The following BMI1 variants were observed in gnomAD, a reference collection of about 807,000 sequenced individuals.
The protein encoded by BMI1 is polycomb complex protein BMI-1.
Under a neutral mutation model 39.1 loss-of-function variants are expected in BMI1, and 9 were observed. The ratio of observed to expected loss-of-function variants is 0.23; its 90% CI spans 0.14 to 0.40. The LOEUF is 0.40. Among genes scored for constraint, BMI1 ranks in the 10% least tolerant of loss-of-function variants. The pLI is 1.00. For missense variants in BMI1, 252 were observed against 390.8 expected, an observed-to-expected ratio of 0.64 and a Z score of 2.99; for synonymous variants, 131 against 127.9, an observed-to-expected ratio of 1.02 and a Z score of -0.16.
In BMI1 at chr10:22,326,948, T is replaced by C. The variant is rs1836168527; in HGVS notation, c.171T>C (p.Asp57=). ...LETSKYCPIC[D]VQVHKTRPLL... is the part of the protein sequence containing the mutation. ...CCAGCAAGTATTGTCCTATTTGTGA[T>C]GTCCAAGTTCACAAGACCAGACCAC... Residue 57 remains aspartate (D), a synonymous_variant, in exon 3 of 10, where the codon GAT becomes GAC. Transcript: ENST00000376663. The C allele has an allele frequency of 6.2e-7, 1 of 1,614,088 alleles. No individual in the cohort carries two copies. The highest frequency in any genetic ancestry group is 8.5e-7 in the Non-Finnish European group (1 of 1,179,966).
chr10:22,322,922 C>T (rs1216510326), intron 1 of BMI1, among the ~76,000 whole-genome samples: 2 of 152,206 alleles, frequency 1.3e-5, no homozygotes, highest in East Asian at 3.8e-4. Context: ...TTGATCATTA[C>T]CACTTGCAAT....
At chr10:22,326,836 T>G in intron 2 of BMI1, 54 bp from the exon 3 acceptor site, 1 of 1,594,842 alleles carries the variant, frequency 6.3e-7, no homozygotes, top group Non-Finnish European at 8.6e-7. Context: ...CTAACACCAA[T>G]GATTTATCCA....
Position 22,328,694 on chromosome 10 carries a change from T to C in BMI1, c.566T>C (p.Phe189Ser), listed in dbSNP as rs746758445. The part of the protein sequence containing the change: ...LRSKMDIPNT[F>S]QIDVMYEEEP... Reference sequence around the variant, plus strand: ...AGTAAAATGGACATACCTAATACTTTCCAGGTATCTACTTTTATATTCTTC... The same window carrying C: ...AGTAAAATGGACATACCTAATACTTCCCAGGTATCTACTTTTATATTCTTC... The change falls in exon 8 of 10, where the codon TTC becomes TCC. Residue 189 changes from phenylalanine to serine, a missense_variant. Phe to Ser is a radical substitution (Grantham distance 155). Transcript: ENST00000376663. The C allele has an allele frequency of 3.2e-6, 5 of 1,572,952 alleles. No homozygotes were observed. Among genetic ancestry groups the C allele is most frequent in the South Asian group, 1.2e-5 (1 of 82,160 alleles).
At chr10:22,324,797 AGGG>A (rs1440592810) in intron 1 of BMI1, among the ~76,000 whole-genome samples, 1 of 152,224 alleles carries the variant, frequency 6.6e-6, no homozygotes, top group South Asian at 2.1e-4. Context: ...TGAATGAAGA[AGGG>A]GGGTTGAAGT....
chr10:22,324,440 TTATGTTAA>T (rs1283877875), intron 1 of BMI1, among the ~76,000 whole-genome samples: 5 of 152,238 alleles, frequency 3.3e-5, no homozygotes, highest in Non-Finnish European at 7.3e-5. Context: ...CCGCTTAGAT[TTATGTTAA>T]TATGTTGACA....
intron 7 of BMI1, 56 bp from the exon 8 acceptor site, chr10:22,328,544 A>C: frequency 6.5e-7 from 1 of 1,542,050 alleles, no homozygotes; most frequent in South Asian, 1.2e-5. Flanking sequence ...TCAAATTGAA[A>C]CTTTCTTCAT....
chr10:22,327,466 C>G (rs1240526656), intron 3 of BMI1, 129 bp from the exon 4 acceptor site: 1 of 926,422 alleles, frequency 1.1e-6, no homozygotes, highest in East Asian at 2.7e-5. Context: ...TTTATCTTAT[C>G]AATAATAGTT....
chr10:22,327,082 C>G, intron 3 of BMI1, 96 bp downstream of exon 3: 1 of 1,345,214 alleles, frequency 7.4e-7, no homozygotes, highest in Non-Finnish European at 1.0e-6. Context: ...AAAATTTACT[C>G]TTGAATACAT....
At chr10:22,326,744 A>G (rs1311690429) in intron 2 of BMI1, 146 bp from the exon 3 acceptor site, 1 of 1,298,310 alleles carries the variant, frequency 7.7e-7, no homozygotes, top group Non-Finnish European at 1.1e-6. Context: ...CAAGCATGCA[A>G]TATATGTGTT....
chr10:22,329,820 T>C lies in BMI1; in HGVS notation c.*278T>C. 1 of 394,370 alleles carries C rather than the reference T, an allele frequency of 2.5e-6. No homozygotes were observed. The highest frequency in any genetic ancestry group is 3.4e-5 in the South Asian group (1 of 29,548). The allele number at this position is 394,370 out of a possible 1,614,324, so 24.4% of individuals were successfully genotyped here. On this transcript the variant is annotated 3_prime_UTR_variant, in exon 10 of 10. Coordinates refer to ENST00000376663, the MANE Select transcript of BMI1 (RefSeq NM_005180.9). ...GATGGGAAATGGTTTCTGTAACCAT[T>C]GTTTGGATTTGGAAGTACTCTGCAG...
At chr10:22,325,330 T>C (rs1836108131) in intron 1 of BMI1, among the ~76,000 whole-genome samples, 1 of 152,220 alleles carries the variant, frequency 6.6e-6, no homozygotes. Context: ...GACCGAGTGA[T>C]TGCAGACAGG....
rs1835978544 is a variant in BMI1, at chr10:22,321,138, C to T, written c.-578C>T. The stretch of plus-strand genomic sequence containing the variant: ...CTTCAGCGGTGCATTTTTTTCCACC[C>T]TCCCCTCCCCCTCCTCCCCTCCCCC... On this transcript the variant is annotated 5_prime_UTR_variant, in exon 1 of 10. Coordinates refer to ENST00000376663, the MANE Select transcript of BMI1 (RefSeq NM_005180.9). The T allele has an allele frequency of 6.7e-6, 1 of 150,360 alleles. No individual in the cohort carries two copies. Among genetic ancestry groups the T allele is most frequent in the African/African-American group, 2.4e-5 (1 of 41,004 alleles). The allele number at this position is 150,360 out of a possible 1,614,324, so 9.3% of individuals were successfully genotyped here.
Position 22,329,026 on chromosome 10 carries a change from TAATA to T in BMI1, c.571-19_571-16del. 1 of 1,572,722 alleles carries T rather than the reference TAATA, an allele frequency of 6.4e-7. No homozygotes were observed. The highest frequency in any genetic ancestry group is 1.2e-5 in the South Asian group (1 of 83,664). On this transcript the variant is annotated intron_variant, in intron 8 of 9. Coordinates refer to ENST00000376663, the MANE Select transcript of BMI1 (RefSeq NM_005180.9). ...CATTTACCTTTGTTCTTTTATTACT[TAATA>T]AAAATATTTTTCACTAGATTGATGT...
At chr10:22,321,871 T>TGCCGGCCCCGCGCGCC (rs1158957481) in intron 1 of BMI1, among the ~76,000 whole-genome samples, 175 bp downstream of exon 1, 2 of 140,364 alleles carry the variant, frequency 1.4e-5, no homozygotes, top group Admixed American at 7.0e-5. Context: ...GCCCCGCGCC[T>TGCCGGCCCCGCGCGCC]GCCGGCCCCG....
At chr10:22,321,881 G>C in intron 1 of BMI1, among the ~76,000 whole-genome samples, 185 bp downstream of exon 1, 1 of 142,378 alleles carries the variant, frequency 7.0e-6, no homozygotes, top group Non-Finnish European at 1.6e-5. Context: ...TGCCGGCCCC[G>C]CGCGCCGCCC....
Position 22,324,639 on chromosome 10 carries a change from C to G in BMI1, c.-19-1792C>G, listed in dbSNP as rs193037960. On this transcript the variant is annotated intron_variant, in intron 1 of 9. Coordinates refer to ENST00000376663, the MANE Select transcript of BMI1 (RefSeq NM_005180.9). ...CATTGAGCTGTGTTGATTGGTGTTTCCCTTTACTGCATTAATACACCTTAG... is the reference window on the plus strand; with the variant it reads ...CATTGAGCTGTGTTGATTGGTGTTTGCCTTTACTGCATTAATACACCTTAG... 9.9e-5 allele frequency among the ~76,000 whole-genome samples: 15 copies of G among 152,250 alleles called. No homozygotes were observed. The East Asian group carries it at 1.5e-3, about 16-fold the overall frequency.
At chr10:22,326,849 C>T (rs182088963) in intron 2 of BMI1, 41 bp from the exon 3 acceptor site, 1 of 1,603,918 alleles carries the variant, frequency 6.2e-7, no homozygotes, top group Non-Finnish European at 8.5e-7. Flanking sequence ...TTTATCCACT[C>T]ATTTCTAAAC....
At chr10:22,327,007 C>T in intron 3 of BMI1, 21 bp downstream of exon 3, 1 of 1,606,772 alleles carries the variant, frequency 6.2e-7, no homozygotes, top group Non-Finnish European at 8.5e-7. Context: ...GTTGAAATTC[C>T]TTGTTTGTAA....
At chr10:22,322,210 G>T (rs1836023629) in intron 1 of BMI1, 1 of 152,154 alleles carries the variant, frequency 6.6e-6, no homozygotes, top group African/African-American at 2.4e-5. Context: ...CTGAAATCGG[G>T]AGCTGCTTGG....
Sources: gnomAD v4.1 joint callset for allele counts (sites outside exome capture counted in the v4.1 genomes callset) on GRCh38, gnomAD v4.1.1 for gene constraint, MANE v1.5 for transcripts, NCBI Gene and HGNC (gene_info 2026-07-23, HGNC 2026-07-21) for gene names.